The following COL4A1 variants were observed in gnomAD, a reference collection of about 807,000 sequenced individuals.
COL4A1 encodes the protein collagen alpha-1(IV) chain.
In COL4A1, 40 loss-of-function variants were observed where a neutral mutation model predicts 216.6. The ratio of observed to expected loss-of-function variants is 0.18; its 90% CI spans 0.14 to 0.24. The LOEUF (loss-of-function observed/expected upper bound fraction) is 0.24. Among genes scored for constraint, COL4A1 ranks in the 10% least tolerant of loss-of-function variants. The pLI, the probability that COL4A1 is intolerant of heterozygous loss-of-function variation, is 1.00. For missense variants in COL4A1, 1,628 were observed against 2,196.8 expected (o/e 0.74, Z 5.18); for synonymous variants, 839 against 810.7 (o/e 1.03, Z -0.59).
chr13:110,196,408 C>G (rs1878892036), intron 21 of COL4A1, among the ~76,000 whole-genome samples: 1 of 152,172 alleles, frequency 6.6e-6, no homozygotes, highest in Non-Finnish European at 1.5e-5. Flanking sequence ...CCCTAAATTA[C>G]TTCACTGAAA....
At chr13:110,239,415 A>T (rs530586694) in intron 2 of COL4A1, among the ~76,000 whole-genome samples, 1 of 152,188 alleles carries the variant, frequency 6.6e-6, no homozygotes, top group Non-Finnish European at 1.5e-5. Context: ...TAGAAGTAAT[A>T]ATTTCCAAAT....
At position 110,173,893 on chromosome 13, in the gene COL4A1, G is replaced by C. The variant is rs1321558493; in HGVS notation, c.3505+7C>G. 36 of 1,614,136 alleles carry C rather than the reference G, an allele frequency of 2.2e-5. No individual in the cohort carries two copies. The highest frequency in any genetic ancestry group is 3.0e-5 in the Non-Finnish European group (35 of 1,180,018). ...ATTCTGATAGGGAATGGGGCGTTGG[G>C]CCATACCTGGTTCACCCTTCTCTCC... On this transcript the variant is annotated splice_region_variant and intron_variant, in intron 40 of 51. Transcript: ENST00000375820.
rs1437311634 is a variant in COL4A1 at position 110,149,952 on chromosome 13, A to C, written c.*411T>G. The C allele has an allele frequency of 9.3e-6, 3 of 321,502 alleles. No individual in the cohort carries two copies. The highest frequency in any genetic ancestry group is 1.1e-3 in the Middle Eastern group (1 of 924). The allele number at this position is 321,502 out of a possible 1,614,324, so 19.9% of individuals were successfully genotyped here. On this transcript the variant is annotated 3_prime_UTR_variant, in exon 52 of 52. Coordinates refer to ENST00000375820, the MANE Select transcript of COL4A1 (RefSeq NM_001845.6). Reference sequence around the variant, plus strand: ...GGGACCTAAATTTTGAAACAGCTAGACAGTGATATAAACAAACATTTATCT... The same window carrying C: ...GGGACCTAAATTTTGAAACAGCTAGCCAGTGATATAAACAAACATTTATCT...
At chr13:110,233,874 C>A (rs73613418) in intron 2 of COL4A1, among the ~76,000 whole-genome samples, 1 of 152,166 alleles carries the variant, frequency 6.6e-6, no homozygotes. Context: ...GTCCTGGGAG[C>A]GCTTCTGTCA....
intron 42 of COL4A1, 119 bp from the exon 43 acceptor site, chr13:110,169,881 T>C: frequency 7.3e-7 from 1 of 1,364,628 alleles, no homozygotes; most frequent in Non-Finnish European, 1.0e-6. Flanking sequence ...GGACCAACAG[T>C]GACAACCCTT....
chr13:110,215,494 G>C (rs1374967343), intron 2 of COL4A1, among the ~76,000 whole-genome samples: 12 of 150,406 alleles, frequency 8.0e-5, no homozygotes. Flanking sequence ...CTGGGAGGCA[G>C]AGGTTGCAGA....
chr13:110,297,092 A>G (rs138664578), intron 1 of COL4A1, among the ~76,000 whole-genome samples: 1 of 152,258 alleles, frequency 6.6e-6, no homozygotes, highest in East Asian at 1.9e-4. Context: ...TGATTGATTA[A>G]ATCATTGGCT....
Position 110,306,974 on chromosome 13 carries a change from G to C in COL4A1, c.54C>G (p.Leu18=), listed in dbSNP as rs1440333435. The C allele has an allele frequency of 6.8e-7, 1 of 1,477,268 alleles. No homozygotes were observed. Among genetic ancestry groups the C allele is most frequent in the Non-Finnish European group, 8.9e-7 (1 of 1,119,626 alleles). The allele number at this position is 1,477,268 out of a possible 1,614,324, so 91.5% of individuals were successfully genotyped here. A position where few individuals can be genotyped will look rare whatever the true frequency, so the allele number is the denominator to read the frequency against. The part of the protein sequence containing the change: ...WLLLLPAALL[L]HEEHSRAAAK... ...CAGCGGCCCGGCTGTGCTCCTCGTG[G>C]AGCAGAAGGGCGGCGGGCAGCAGCA... Residue 18 remains leucine, a synonymous_variant, in exon 1 of 52, where the codon CTC becomes CTG. Transcript: ENST00000375820.
chr13:110,172,581 T>G, intron 41 of COL4A1, 139 bp downstream of exon 41: 1 of 823,906 alleles, frequency 1.2e-6, no homozygotes, highest in Non-Finnish European at 2.2e-6. Flanking sequence ...CATTGCCCTC[T>G]GGGCTCAGCA....
intron 41 of COL4A1, 129 bp from the exon 42 acceptor site, chr13:110,170,861 A>G (rs1396818297): frequency 1.1e-6 from 1 of 947,264 alleles, no homozygotes; most frequent in Non-Finnish European, 1.7e-6. Flanking sequence ...GCTTCCAGGG[A>G]CACCACAGGA....
In COL4A1 at chr13:110,152,317, G is replaced by A. The variant is rs372489854; in HGVS notation, c.4928+17C>T. On this transcript the variant is annotated intron_variant, in intron 51 of 51. Transcript: ENST00000375820. Reference sequence around the variant, plus strand: ...AAAGGGGCCAGCAGCCTGCAAAAAAGCAGTGCTCCCACTTACTTGAACATC... The same window carrying A: ...AAAGGGGCCAGCAGCCTGCAAAAAAACAGTGCTCCCACTTACTTGAACATC... 1.2e-5 allele frequency: 19 copies of A among 1,613,792 alleles called. No individual in the cohort carries two copies. The highest frequency in any genetic ancestry group is 1.4e-5 in the Non-Finnish European group (16 of 1,180,008).
chr13:110,259,295 C>T (rs151289640), intron 1 of COL4A1, among the ~76,000 whole-genome samples: 1 of 152,348 alleles, frequency 6.6e-6, no homozygotes, highest in Non-Finnish European at 1.5e-5. Flanking sequence ...TTCTAACTCA[C>T]TCAGTCCAGT....
At chr13:110,170,085 A>AGGAG (rs1480245530) in intron 42 of COL4A1, among the ~76,000 whole-genome samples, 1 of 102,614 alleles carries the variant, frequency 9.7e-6, no homozygotes, top group Non-Finnish European at 1.9e-5. Context: ...GGGGAGGGGA[A>AGGAG]GGAGGGAGGG....
At chr13:110,178,751 C>G (rs187305039) in intron 31 of COL4A1, among the ~76,000 whole-genome samples, 172 bp downstream of exon 31, 2 of 152,296 alleles carry the variant, frequency 1.3e-5, no homozygotes, top group East Asian at 3.9e-4. Context: ...GAATCTGGGA[C>G]TACATTTAAG....
chr13:110,177,057 C>T lies in COL4A1; in HGVS notation c.2717-20G>A. 1.2e-6 allele frequency: 2 copies of T among 1,613,006 alleles called. No individual in the cohort carries two copies. Among genetic ancestry groups the T allele is most frequent in the Non-Finnish European group, 1.7e-6 (2 of 1,180,016 alleles). Reference sequence around the variant, plus strand: ...GGTCCCCTGCAGAGGAAAGAGAAGGCACTGGTGAGCCTGGGCCAGTGTCAC... The same window carrying T: ...GGTCCCCTGCAGAGGAAAGAGAAGGTACTGGTGAGCCTGGGCCAGTGTCAC... On this transcript the variant is annotated intron_variant, in intron 33 of 51. Transcript: ENST00000375820.
intron 1 of COL4A1, among the ~76,000 whole-genome samples, chr13:110,288,815 C>T (rs1038120786): frequency 4.6e-5 from 7 of 152,110 alleles, no homozygotes; most frequent in Middle Eastern, 3.2e-3. Flanking sequence ...GGGCAGATCA[C>T]GAGGTCAGGA....
intron 20 of COL4A1, among the ~76,000 whole-genome samples, chr13:110,198,960 G>T (rs1322562006): frequency 6.6e-6 from 1 of 152,216 alleles, no homozygotes; most frequent in East Asian, 1.9e-4. Flanking sequence ...TGGCCAATGA[G>T]GGCATAGAAA....
Position 110,247,836 on chromosome 13 carries a change from G to GTGTGTGTGTGT in COL4A1, c.85-5103_85-5102insACACACACACA, listed in dbSNP as rs1566411252. Among the ~76,000 whole-genome samples, 198 of 78,606 alleles carry GTGTGTGTGTGT rather than the reference G, an allele frequency of 2.5e-3. 8 individuals carry two copies. Among genetic ancestry groups the GTGTGTGTGTGT allele is most frequent in the South Asian group, 4.0e-3 (8 of 2,012 alleles). 51.6% of individuals were successfully genotyped at this position (78,606 alleles called of 152,430 possible). On this transcript the variant is annotated intron_variant, in intron 1 of 51. Transcript: ENST00000375820. Reference sequence around the variant, plus strand: ...GTGTGTGTGTGTGTGTGTGTGTGTGGCAGAGAGAGAGGGAGGGAGGGAGGG... The same window carrying GTGTGTGTGTGT: ...GTGTGTGTGTGTGTGTGTGTGTGTGGTGTGTGTGTGTCAGAGAGAGAGGGAGGGAGGGAGGG...
At chr13:110,177,088 T>C (rs1471985762) in intron 33 of COL4A1, 51 bp from the exon 34 acceptor site, 9 of 1,608,314 alleles carry the variant, frequency 5.6e-6, no homozygotes, top group Non-Finnish European at 7.6e-6. Flanking sequence ...GTCACAGAGG[T>C]GCTCAAAAGG....
Sources: allele counts gnomAD v4.1 joint callset (sites outside exome capture counted in the v4.1 genomes callset), GRCh38; gene constraint gnomAD v4.1.1; transcripts MANE v1.5; gene names NCBI Gene and HGNC (gene_info 2026-07-23, HGNC 2026-07-21).